Variants in PIGG observed in about 807,000 individuals in gnomAD.
The protein encoded by PIGG is phosphatidylinositol glycan anchor biosynthesis class G (EMM blood group).
Under a neutral mutation model 83.2 loss-of-function variants are expected in PIGG, and 70 were observed. The observed-to-expected ratio is 0.84, with a 90% CI of 0.69 to 1.03. The LOEUF is 1.03. PIGG is among the 50% of genes least tolerant of loss of function. The pLI is 0.00. For missense variants in PIGG, 1,257 were observed against 1,233.6 expected (o/e 1.02, Z -0.28); for synonymous variants, 532 against 519.5 (o/e 1.02, Z -0.33).
intron 1 of PIGG, 126 bp downstream of exon 1, chr4:499,615 A>G (rs1343905788): frequency 2.8e-6 from 4 of 1,419,492 alleles, no homozygotes; most frequent in Non-Finnish European, 3.7e-6. Context: ...TATGGTCCCC[A>G]CCTCAGAAAT....
Position 539,289 on chromosome 4 carries a change from G to T in PIGG, c.2872G>T (p.Glu958Ter), listed in dbSNP as rs775379047. ...TGTATTTTCTCCAAAACTTCTCTAC[G>T]AGGGAATGCACCTGCTCATTACAGC... is the stretch of plus-strand genomic sequence containing the variant. The part of the protein sequence containing the change: ...WSVFSPKLLY[E>*]GMHLLITAAV... Residue 958 changes from glutamate to a stop codon, truncating the protein, a stop_gained, in exon 13 of 13, where the codon GAG becomes TAG. Transcript: ENST00000453061. LOFTEE classifies it low-confidence loss of function (END_TRUNC). 6.2e-7 allele frequency: 1 copy of T among 1,613,574 alleles called. No homozygotes were observed. The highest frequency in any genetic ancestry group is 1.7e-5 in the Admixed American group (1 of 60,016).
intron 5 of PIGG, among the ~76,000 whole-genome samples, chr4:514,251 C>T (rs773209085): frequency 5.9e-5 from 9 of 152,174 alleles, no homozygotes; most frequent in Non-Finnish European, 1.3e-4. Flanking sequence ...GCTCTTTACC[C>T]CCATAATCTT....
chr4:508,820 G>C lies in PIGG; in HGVS notation c.760-9G>C, dbSNP rs1720841738. 1 of 1,613,126 alleles carries C rather than the reference G, an allele frequency of 6.2e-7. No homozygotes were observed. Among genetic ancestry groups the C allele is most frequent in the Non-Finnish European group, 8.5e-7 (1 of 1,179,424 alleles). On this transcript the variant is annotated splice_polypyrimidine_tract_variant and intron_variant, in intron 4 of 12. Coordinates refer to ENST00000453061, the MANE Select transcript of PIGG (RefSeq NM_001127178.3). ...AACGCAGTTGAAATGTTTTTCCTTT[G>C]CCTTAAAGGAGAGAGAGACGCCTTT...
At position 525,204 on chromosome 4, in the gene PIGG, C is replaced by T. The variant is rs952048919; in HGVS notation, c.2069+1291C>T. 1.8e-5 allele frequency: 18 copies of T among 985,316 alleles called. 1 individual carries two copies. In the African/African-American group the frequency reaches 3.1e-4, roughly 17 times the overall value. 61.0% of individuals were successfully genotyped at this position (985,316 alleles called of 1,614,324 possible). A position where few individuals can be genotyped will look rare whatever the true frequency, so the allele number is the denominator to read the frequency against. On this transcript the variant is annotated intron_variant, in intron 9 of 12. Transcript: ENST00000453061. Reference sequence around the variant, plus strand: ...CCGTGTGGGGGAATTCAGCCACCTCCTGAGCCTTTCATTGGCGACTGGAAA... The same window carrying T: ...CCGTGTGGGGGAATTCAGCCACCTCTTGAGCCTTTCATTGGCGACTGGAAA...
At chr4:511,271 C>T (rs529760073) in intron 5 of PIGG, among the ~76,000 whole-genome samples, 1 of 133,018 alleles carries the variant, frequency 7.5e-6, no homozygotes, top group South Asian at 2.3e-4. Flanking sequence ...CCAGCCTGGG[C>T]AACAGGAGTG....
chr4:535,527 G>C (rs1257136320), intron 12 of PIGG, among the ~76,000 whole-genome samples: 1 of 119,938 alleles, frequency 8.3e-6, no homozygotes, highest in Non-Finnish European at 1.7e-5. Flanking sequence ...CCAGAGCTTT[G>C]CGTGTGTCCT....
intron 10 of PIGG, 49 bp from the exon 11 acceptor site, chr4:530,387 A>G: frequency 7.5e-7 from 1 of 1,339,406 alleles, no homozygotes; most frequent in Non-Finnish European, 1.1e-6. Flanking sequence ...ATGTTTTTGA[A>G]TTTTTCTCAC....
intron 2 of PIGG, among the ~76,000 whole-genome samples, chr4:502,683 G>A (rs935352427): frequency 4.6e-5 from 7 of 152,030 alleles, no homozygotes; most frequent in African/African-American, 1.5e-4. Flanking sequence ...CAGCCCACTC[G>A]CTGTCTGCAC....
chr4:515,977 T>C lies in PIGG; in HGVS notation c.906T>C (p.Asp302=). The change falls in exon 6 of 13, where the codon GAT becomes GAC. Residue 302 remains aspartate (D), a synonymous_variant. Transcript: ENST00000453061. The surrounding 1 kb of genome is among the most constrained non-coding windows in gnomAD (Gnocchi z 4.2). ...AAAATGTTTTCTTTCTTCTAGGTGA[T>C]ATCCGACATCCAAAGCACGTCCAAC... is the stretch of plus-strand genomic sequence containing the variant. The part of the protein sequence containing the change: ...ISSAFERKPG[D]IRHPKHVQQT... 1 of 1,613,210 alleles carries C rather than the reference T, an allele frequency of 6.2e-7. No individual in the cohort carries two copies. The highest frequency in any genetic ancestry group is 8.5e-7 in the Non-Finnish European group (1 of 1,179,088).
At chr4:538,977 C>T (rs1005148152) in intron 12 of PIGG, among the ~76,000 whole-genome samples, 176 bp from the exon 13 acceptor site, 7 of 152,236 alleles carry the variant, frequency 4.6e-5, no homozygotes, top group Admixed American at 2.6e-4. Context: ...TCCAGCGCAT[C>T]TGGAGAGGCA....
chr4:530,899 T>C, intron 11 of PIGG, 154 bp downstream of exon 11: 1 of 622,006 alleles, frequency 1.6e-6, no homozygotes, highest in Non-Finnish European at 2.8e-6. Context: ...TAAGACAAAG[T>C]ACAGCCGGTT....
rs1341159491 is a variant in PIGG, at chr4:527,887, T to C, written c.2261+657T>C. On this transcript the variant is annotated intron_variant, in intron 10 of 12. Transcript: ENST00000453061. ...GCAGCTTGTAACATGTGGGTGACCC[T>C]CTATTTAAATTTAAATAGCTGTTTC... 3 of 985,418 alleles carry C rather than the reference T, an allele frequency of 3.0e-6. No homozygotes were observed. In the South Asian group the frequency reaches 1.4e-4, roughly 46 times the overall value. 61.0% of individuals were successfully genotyped at this position (985,418 alleles called of 1,614,324 possible). A position where few individuals can be genotyped will look rare whatever the true frequency, so the allele number is the denominator to read the frequency against.
At chr4:538,533 A>G (rs555493768) in intron 12 of PIGG, among the ~76,000 whole-genome samples, 3 of 152,354 alleles carry the variant, frequency 2.0e-5, no homozygotes, top group Admixed American at 6.5e-5. Context: ...ATAGTAGCAC[A>G]TGCATATATA....
chr4:521,578 A>C, intron 7 of PIGG, 82 bp from the exon 8 acceptor site: 1 of 1,327,442 alleles, frequency 7.5e-7, no homozygotes, highest in East Asian at 2.3e-5. Flanking sequence ...GACAGCTGAC[A>C]CGAGAGCGGG....
intron 5 of PIGG, among the ~76,000 whole-genome samples, chr4:514,683 G>A (rs1472688255): frequency 6.6e-6 from 1 of 152,202 alleles, no homozygotes; most frequent in East Asian, 1.9e-4. Context: ...CTTCAAAACT[G>A]TAAAATGACT....
chr4:520,086 C>T (rs1725306551), intron 6 of PIGG, among the ~76,000 whole-genome samples: 1 of 152,178 alleles, frequency 6.6e-6, no homozygotes, highest in African/African-American at 2.4e-5. Flanking sequence ...GCACCCTGGA[C>T]CTCAGTGGCT....
At chr4:525,397 G>A (rs1305102488) in intron 9 of PIGG, 9 of 981,356 alleles carry the variant, frequency 9.2e-6, no homozygotes, top group Admixed American at 6.1e-5. Context: ...CATCTGCGGC[G>A]AGAGTAACAG....
At chr4:504,738 C>T (rs1288792251) in intron 2 of PIGG, among the ~76,000 whole-genome samples, 2 of 152,112 alleles carry the variant, frequency 1.3e-5, no homozygotes, top group Non-Finnish European at 2.9e-5. Context: ...GGCTGTATAA[C>T]TCTAAATCAC....
In PIGG at chr4:529,077, G is replaced by A. The variant is rs551669473; in HGVS notation, c.2262-1359G>A. Among the ~76,000 whole-genome samples the A allele has an allele frequency of 4.6e-5, 7 of 152,260 alleles. No individual in the cohort carries two copies. In the East Asian group the frequency reaches 1.4e-3, roughly 29 times the overall value. On this transcript the variant is annotated intron_variant, in intron 10 of 12. Coordinates refer to ENST00000453061, the MANE Select transcript of PIGG (RefSeq NM_001127178.3). ...AAGCCCAGGGATGGCTGGAGTGGAG[G>A]TGGAAGCGGGGTGGGCCTGGTTGAG... is the stretch of plus-strand genomic sequence containing the variant.
Sources: allele counts gnomAD v4.1 joint callset (sites outside exome capture counted in the v4.1 genomes callset), GRCh38; gene constraint gnomAD v4.1.1; non-coding constraint Gnocchi (gnomAD v3.1); transcripts MANE v1.5; gene names NCBI Gene and HGNC (gene_info 2026-07-23, HGNC 2026-07-21).